The following ABR variants were observed in gnomAD, a reference collection of about 807,000 sequenced individuals.
ABR encodes the protein ABR activator of RhoGEF and GTPase.
ABR carries 35 observed loss-of-function variants against 107.2 expected under a neutral mutation model. The ratio of observed to expected loss-of-function variants is 0.33; its 90% CI spans 0.25 to 0.43. The LOEUF is 0.43. ABR is among the 20% of genes least tolerant of loss of function. The probability of loss-of-function intolerance (pLI) is 1.00; values close to 1 mark genes in which losing one functional copy is unlikely to be tolerated. For missense variants in ABR, 815 were observed against 1,115.2 expected, an observed-to-expected ratio of 0.73 and a Z score of 3.83; for synonymous variants, 498 against 462.0, an observed-to-expected ratio of 1.08 and a Z score of -1.00.
intron 16 of ABR, 152 bp from the exon 17 acceptor site, chr17:1,013,316 C>T (rs932135282): frequency 3.8e-6 from 3 of 791,234 alleles, no homozygotes; most frequent in Non-Finnish European, 6.1e-6. Flanking sequence ...GAAATCAACC[C>T]TTTGGGGGGA....
At chr17:1,144,577 A>G (rs2151507317) in intron 1 of ABR, among the ~76,000 whole-genome samples, 1 of 143,762 alleles carries the variant, frequency 7.0e-6, no homozygotes, top group East Asian at 2.0e-4. Flanking sequence ...TAACGCGTTC[A>G]GTCAATCAGG....
intron 16 of ABR, among the ~76,000 whole-genome samples, chr17:1,018,521 G>C (rs1338318154): frequency 6.6e-6 from 1 of 152,122 alleles, no homozygotes; most frequent in Non-Finnish European, 1.5e-5. Context: ...AGCTTCCCAC[G>C]ACTGGGTGCC....
chr17:1,057,543 A>C (rs2033456005), intron 12 of ABR, among the ~76,000 whole-genome samples: 2 of 151,618 alleles, frequency 1.3e-5, no homozygotes, highest in African/African-American at 4.9e-5. Flanking sequence ...ACACCTGGCT[A>C]ATTTTTGTGT....
upstream of ABR, among the ~76,000 whole-genome samples, chr17:1,187,938 G>A (rs970258023): frequency 6.6e-5 from 10 of 151,598 alleles, no homozygotes; most frequent in African/African-American, 2.2e-4. Context: ...AAATTGGGCC[G>A]GGCACAGAGG....
chr17:1,073,308 C>T (rs888146452), intron 7 of ABR, among the ~76,000 whole-genome samples: 4 of 152,076 alleles, frequency 2.6e-5, no homozygotes, highest in Admixed American at 6.6e-5. Context: ...CTCATCCCCC[C>T]GAGCAGCTGG....
At chr17:1,094,407 G>A (rs575683584) in intron 3 of ABR, among the ~76,000 whole-genome samples, 20 of 145,512 alleles carry the variant, frequency 1.4e-4, no homozygotes, top group African/African-American at 4.9e-4. Flanking sequence ...GTCTCACTCT[G>A]TCACCCAGGC....
chr17:1,224,820 T>G (rs1362219755), intron 1 of ABR, among the ~76,000 whole-genome samples: 1 of 152,036 alleles, frequency 6.6e-6, no homozygotes, highest in Non-Finnish European at 1.5e-5. Context: ...GACTATAGGT[T>G]CACACCACCA....
Position 1,073,725 on chromosome 17 carries a change from C to CA in ABR, c.701-49dup, listed in dbSNP as rs753563310. 3 of 1,521,044 alleles carry CA rather than the reference C, an allele frequency of 2.0e-6. No homozygotes were observed. In the African/African-American group the frequency reaches 4.1e-5, roughly 21 times the overall value. The allele number at this position is 1,521,044 out of a possible 1,614,324, so 94.2% of individuals were successfully genotyped here. On this transcript the variant is annotated intron_variant, in intron 6 of 22. Transcript: ENST00000302538. ...GGAGGAAGAGGATGATGGACGAGGG[C>CA]AACCCAACACCCCAGAGACCAGCTT...
At chr17:1,172,389 G>A (rs1567856423) in intron 1 of ABR, among the ~76,000 whole-genome samples, 3 of 152,220 alleles carry the variant, frequency 2.0e-5, no homozygotes, top group African/African-American at 7.2e-5. Flanking sequence ...TCAGGGACCA[G>A]TGGAACATTC....
At chr17:1,170,936 A>C (rs1309664858) in intron 1 of ABR, among the ~76,000 whole-genome samples, 1 of 151,902 alleles carries the variant, frequency 6.6e-6, no homozygotes, top group East Asian at 1.9e-4. Flanking sequence ...TGCAGGGGGC[A>C]CTCTTGCATA....
At chr17:1,072,213 A>G (rs2035295718) in intron 8 of ABR, among the ~76,000 whole-genome samples, 1 of 151,932 alleles carries the variant, frequency 6.6e-6, no homozygotes, top group African/African-American at 2.4e-5. Context: ...TCCCTAGATT[A>G]TTATGAGGAT....
rs1032437180 is a variant in ABR at position 1,010,900 on chromosome 17, G to A, written c.2102-37C>T. The A allele has an allele frequency of 7.5e-6, 12 of 1,610,432 alleles. No individual in the cohort carries two copies. The highest frequency in any genetic ancestry group is 9.3e-6 in the Non-Finnish European group (11 of 1,179,554). On this transcript the variant is annotated intron_variant, in intron 19 of 22. Transcript: ENST00000302538. This position sits in a 1 kb window ranked among gnomAD's most constrained non-coding sequence, Gnocchi z 4.1. ...GGGCCGAGGTCAGGCAGCCTTAGCTGGGCCAGCAGCCCCGTTCCACCCCCG... is the reference window on the plus strand; with the variant it reads ...GGGCCGAGGTCAGGCAGCCTTAGCTAGGCCAGCAGCCCCGTTCCACCCCCG...
At position 1,010,442 on chromosome 17, in the gene ABR, T is replaced by A; in HGVS notation, c.2236+287A>T. On this transcript the variant is annotated intron_variant, in intron 20 of 22. Transcript: ENST00000302538. The surrounding 1 kb of genome is among the most constrained non-coding windows in gnomAD (Gnocchi z 4.1). ...CCACTCACCTCAGGGCAGTCTTCCC[T>A]GGATGCTCGAGCTTCCAAGCAAGAG... 1 of 450,550 alleles carries A rather than the reference T, an allele frequency of 2.2e-6. No homozygotes were observed. Among genetic ancestry groups the A allele is most frequent in the Admixed American group, 3.6e-5 (1 of 27,786 alleles). The allele number at this position is 450,550 out of a possible 1,614,324, so 27.9% of individuals were successfully genotyped here.
chr17:1,225,518 G>A (rs1050771970), intron 1 of ABR, among the ~76,000 whole-genome samples: 2 of 151,994 alleles, frequency 1.3e-5, no homozygotes, highest in African/African-American at 4.8e-5. Context: ...CAGGCGTAGT[G>A]GCACACTCTT....
intron 1 of ABR, among the ~76,000 whole-genome samples, chr17:1,161,788 CAG>C (rs1391658684): frequency 6.6e-5 from 10 of 152,122 alleles, no homozygotes; most frequent in African/African-American, 2.4e-4. Context: ...CTCCTGACCT[CAG>C]GTGATCCACC....
chr17:1,026,625 C>T (rs781416194), intron 16 of ABR, among the ~76,000 whole-genome samples: 4 of 152,182 alleles, frequency 2.6e-5, no homozygotes, highest in African/African-American at 4.8e-5. Flanking sequence ...CAAGGGTCTA[C>T]GGCTCACTGG....
At chr17:1,054,303 C>T (rs1022826645) in intron 14 of ABR, among the ~76,000 whole-genome samples, 13 of 152,198 alleles carry the variant, frequency 8.5e-5, no homozygotes, top group Admixed American at 6.5e-4. Flanking sequence ...TGTAAATTAA[C>T]GACTTCATTC....
chr17:1,057,148 C>G (rs1442792038), intron 12 of ABR, 46 bp from the exon 13 acceptor site: 6 of 1,330,032 alleles, frequency 4.5e-6, no homozygotes, highest in Admixed American at 1.7e-5. Flanking sequence ...ACTGGTCCAC[C>G]AGGACCGGCT....
intron 1 of ABR, among the ~76,000 whole-genome samples, chr17:1,209,102 C>T (rs1415646218): frequency 1.3e-5 from 2 of 152,160 alleles, no homozygotes; most frequent in Non-Finnish European, 2.9e-5. Flanking sequence ...AGTTTGCCTT[C>T]ATGGTGCCTG....
Sources: allele counts gnomAD v4.1 joint callset (sites outside exome capture counted in the v4.1 genomes callset), GRCh38; gene constraint gnomAD v4.1.1; non-coding constraint Gnocchi (gnomAD v3.1); transcripts MANE v1.5; gene names NCBI Gene and HGNC (gene_info 2026-07-23, HGNC 2026-07-21).